The following NCOR2 variants were observed in gnomAD, a reference collection of about 807,000 sequenced individuals.
NCOR2 encodes CTG repeat protein 26.
In NCOR2, 81 loss-of-function variants were observed where a neutral mutation model predicts 262.9. The observed-to-expected ratio is 0.31, with a 90% CI of 0.26 to 0.37. The LOEUF (loss-of-function observed/expected upper bound fraction) is 0.37. Among genes scored for constraint, NCOR2 ranks in the 10% least tolerant of loss-of-function variants. The pLI is 1.00. For missense variants in NCOR2, 3,385 were observed against 3,621.4 expected, an observed-to-expected ratio of 0.93 and a Z score of 1.68; for synonymous variants, 1,659 against 1,559.3, an observed-to-expected ratio of 1.06 and a Z score of -1.51.
intron 23 of NCOR2, among the ~76,000 whole-genome samples, chr12:124,356,425 C>T (rs549991348): frequency 6.6e-6 from 1 of 152,380 alleles, no homozygotes; most frequent in Admixed American, 6.5e-5. Flanking sequence ...AGCTCAAGCA[C>T]CTGCTGTGGC....
At chr12:124,388,629 G>A (rs1270434177) in intron 16 of NCOR2, 24 of 1,299,014 alleles carry the variant, frequency 1.8e-5, no homozygotes, top group East Asian at 5.6e-5. Flanking sequence ...GCCACGTTGC[G>A]GTCCCTGTCC....
At chr12:124,527,919 C>T (rs995495855) in intron 1 of NCOR2, among the ~76,000 whole-genome samples, 1 of 152,242 alleles carries the variant, frequency 6.6e-6, no homozygotes, top group African/African-American at 2.4e-5. Flanking sequence ...CCGTGTCCTT[C>T]CCATCTCGCC....
At chr12:124,507,559 A>G (rs951719701) in intron 1 of NCOR2, among the ~76,000 whole-genome samples, 1 of 152,104 alleles carries the variant, frequency 6.6e-6, no homozygotes, top group African/African-American at 2.4e-5. Flanking sequence ...ACCTCACCTC[A>G]GGACCCCATG....
intron 19 of NCOR2, among the ~76,000 whole-genome samples, chr12:124,373,438 G>A (rs1329794956): frequency 1.8e-5 from 2 of 111,174 alleles, no homozygotes; most frequent in Non-Finnish European, 3.8e-5. Context: ...CAGGGGCCCC[G>A]GGCACAGTGG....
At chr12:124,406,993 A>G (rs549374531) in intron 13 of NCOR2, among the ~76,000 whole-genome samples, 1 of 152,242 alleles carries the variant, frequency 6.6e-6, no homozygotes, top group South Asian at 2.1e-4. Flanking sequence ...AGTTTTATGG[A>G]TGAGAATGCA....
intron 1 of NCOR2, chr12:124,530,324 A>C (rs939971318): frequency 1.2e-4 from 18 of 151,984 alleles, no homozygotes; most frequent in African/African-American, 4.1e-4. Flanking sequence ...ATTTAGTGCC[A>C]AGGGACTGGT....
At chr12:124,368,341 G>A (rs1040745226) in intron 20 of NCOR2, among the ~76,000 whole-genome samples, 6 of 152,174 alleles carry the variant, frequency 3.9e-5, no homozygotes, top group Non-Finnish European at 7.3e-5. Flanking sequence ...GCCTGCAACA[G>A]TACATCCCCT....
At chr12:124,524,734 C>T (rs2050366619) in intron 1 of NCOR2, among the ~76,000 whole-genome samples, 1 of 152,228 alleles carries the variant, frequency 6.6e-6, no homozygotes, top group Non-Finnish European at 1.5e-5. Flanking sequence ...CCAGGTCTCC[C>T]CTTGAATGAC....
At chr12:124,495,397 G>C (rs1232615489), upstream of NCOR2, 3 of 1,422,632 alleles carry the variant, frequency 2.1e-6, no homozygotes, top group Non-Finnish European at 2.8e-6. This position sits in a 1 kb window ranked among gnomAD's most constrained non-coding sequence, Gnocchi z 4.4. Flanking sequence ...AGAAAAACAA[G>C]ATCAGCCACG....
intron 5 of NCOR2, among the ~76,000 whole-genome samples, chr12:124,463,870 G>C (rs2046301601): frequency 6.6e-6 from 1 of 151,806 alleles, no homozygotes; most frequent in South Asian, 2.1e-4. Flanking sequence ...CCACAGGCCA[G>C]AGCTGGCCAC....
chr12:124,384,813 C>CG (rs2040671408), intron 17 of NCOR2, among the ~76,000 whole-genome samples: 1 of 151,728 alleles, frequency 6.6e-6, no homozygotes, highest in Admixed American at 6.6e-5. Flanking sequence ...TTGGGAGTGG[C>CG]GGGGGGAGGA....
At chr12:124,349,317 C>T (rs557154290) in intron 28 of NCOR2, among the ~76,000 whole-genome samples, 30 of 152,332 alleles carry the variant, frequency 2.0e-4, no homozygotes, top group African/African-American at 2.4e-4. Context: ...CGGGAGCCCC[C>T]GCCCCACCCC....
In NCOR2 at chr12:124,481,368, C is replaced by T. The variant is rs1427878691; in HGVS notation, c.411+2228G>A. 4.6e-5 allele frequency among the ~76,000 whole-genome samples: 7 copies of T among 152,130 alleles called. No homozygotes were observed. In the East Asian group the frequency reaches 5.8e-4, roughly 13 times the overall value. Reference sequence around the variant, plus strand: ...AGGCCACAGAGACCCCCTTCAAGGCCGGCAGGGCCCCTGTGGCTGAATCTC... The same window carrying T: ...AGGCCACAGAGACCCCCTTCAAGGCTGGCAGGGCCCCTGTGGCTGAATCTC... On this transcript the variant is annotated intron_variant, in intron 3 of 46. Transcript: ENST00000405201. The surrounding 1 kb of genome is among the most constrained non-coding windows in gnomAD (Gnocchi z 4.6).
chr12:124,407,189 C>T (rs1350134309), intron 13 of NCOR2, among the ~76,000 whole-genome samples: 1 of 152,222 alleles, frequency 6.6e-6, no homozygotes, highest in Non-Finnish European at 1.5e-5. Context: ...CCCCAAGGGG[C>T]ACACCAGCCA....
At chr12:124,422,756 C>T (rs533842329) in intron 11 of NCOR2, among the ~76,000 whole-genome samples, 6 of 152,330 alleles carry the variant, frequency 3.9e-5, no homozygotes, top group South Asian at 2.1e-4. Flanking sequence ...TAAGAGAGGG[C>T]GTTCCTTGGA....
intron 44 of NCOR2, chr12:124,328,794 C>T (rs570374940): frequency 1.3e-5 from 3 of 226,500 alleles, no homozygotes; most frequent in Admixed American, 1.1e-4. Context: ...CATGAGGTTG[C>T]GGGTGATGCA....
At chr12:124,551,795 T>C (rs2051722045) in intron 1 of NCOR2, among the ~76,000 whole-genome samples, 1 of 152,082 alleles carries the variant, frequency 6.6e-6, no homozygotes, top group African/African-American at 2.4e-5. Flanking sequence ...CGCGGGCCGT[T>C]TTCTTCCTCT....
chr12:124,477,322 A>T (rs1366073611), intron 3 of NCOR2, among the ~76,000 whole-genome samples: 3 of 152,220 alleles, frequency 2.0e-5, no homozygotes, highest in Non-Finnish European at 4.4e-5. Context: ...TGCTGCTGCC[A>T]TGTGAAGAAG....
chr12:124,439,293 C>A (rs1224956712), intron 7 of NCOR2, among the ~76,000 whole-genome samples: 6 of 78,422 alleles, frequency 7.7e-5, no homozygotes, highest in Admixed American at 1.8e-4. Context: ...AGAGAGAGAC[C>A]CAGAGAGAGA....
Sources: allele counts gnomAD v4.1 joint callset (sites outside exome capture counted in the v4.1 genomes callset), GRCh38; gene constraint gnomAD v4.1.1; non-coding constraint Gnocchi (gnomAD v3.1); transcripts MANE v1.5; gene names NCBI Gene and HGNC (gene_info 2026-07-23, HGNC 2026-07-21).